The following PRELID3A variants were observed in gnomAD, a reference collection of about 807,000 sequenced individuals.
The protein encoded by PRELID3A is PRELI domain containing 3A, also known as PRELI domain containing protein 3A.
PRELID3A carries 27 observed loss-of-function variants against 23.0 expected under a neutral mutation model. The ratio of observed to expected loss-of-function variants is 1.17; its 90% confidence interval spans 0.87 to 1.62. The LOEUF (loss-of-function observed/expected upper bound fraction) is 1.62. PRELID3A is among the 40% of genes most tolerant of loss of function. The pLI is 0.00. For missense variants in PRELID3A, 231 were observed against 231.4 expected (o/e 1.00, Z 0.01); for synonymous variants, 87 against 86.4 (o/e 1.01, Z -0.04).
At chr18:12,411,803 C>CA (rs1222744131) in intron 1 of PRELID3A, among the ~76,000 whole-genome samples, 2 of 152,216 alleles carry the variant, frequency 1.3e-5, no homozygotes, top group African/African-American at 4.8e-5. Context: ...TCCCTGCAGG[C>CA]AGCCGTGAGG....
At chr18:12,425,078 G>A (rs2030310463) in intron 3 of PRELID3A, among the ~76,000 whole-genome samples, 1 of 152,016 alleles carries the variant, frequency 6.6e-6, no homozygotes, top group Non-Finnish European at 1.5e-5. Context: ...GGGAGGTGGA[G>A]GTTGCAGTGA....
At chr18:12,412,006 G>A (rs915692685) in intron 1 of PRELID3A, among the ~76,000 whole-genome samples, 1 of 151,456 alleles carries the variant, frequency 6.6e-6, no homozygotes, top group Non-Finnish European at 1.5e-5. Context: ...CGCCTCCCGG[G>A]TTCACGCCAT....
rs570426244 is a variant in PRELID3A at position 12,423,098 on chromosome 18, A to C, written c.291+1469A>C. On this transcript the variant is annotated intron_variant, in intron 3 of 6. Transcript: ENST00000440960. The stretch of plus-strand genomic sequence containing the variant: ...AAGTGGCCATGTGAAGGTAGGTGAC[A>C]GGGAGCCTGGCAGGACTTCTCCATA... Among the ~76,000 whole-genome samples, 20 of 152,336 alleles carry C rather than the reference A, an allele frequency of 1.3e-4. 1 individual carries two copies. The South Asian group carries it at 3.9e-3, about 30-fold the overall frequency.
At chr18:12,428,271 C>G (rs1462500685) in intron 5 of PRELID3A, among the ~76,000 whole-genome samples, 2 of 152,202 alleles carry the variant, frequency 1.3e-5, no homozygotes, top group African/African-American at 4.8e-5. Flanking sequence ...TCCCCTCCAG[C>G]AGAGTTGATG....
At position 12,421,619 on chromosome 18, in the gene PRELID3A, G is replaced by A. The variant is rs779059356; in HGVS notation, c.281G>A (p.Cys94Tyr). The A allele has an allele frequency of 1.2e-6, 2 of 1,611,124 alleles. No homozygotes were observed. The highest frequency in any genetic ancestry group is 4.5e-5 in the East Asian group (2 of 44,856). ...CCAGTGGAAAAGAAAATGGAACTTTGTTCTACCAATGTAAGCAATGGCCTC... is the reference window on the plus strand; with the variant it reads ...CCAGTGGAAAAGAAAATGGAACTTTATTCTACCAATGTAAGCAATGGCCTC... ...VDPVEKKMEL[C>Y]STNITLTNLV... The change falls in exon 3 of 7, where the codon TGT becomes TAT. Residue 94 changes from cysteine (C) to tyrosine (Y), a missense_variant. Transcript: ENST00000440960.
intron 5 of PRELID3A, among the ~76,000 whole-genome samples, chr18:12,427,775 TG>T (rs1424112952): frequency 6.6e-6 from 1 of 152,154 alleles, no homozygotes; most frequent in Non-Finnish European, 1.5e-5. Context: ...GAGCTCATAA[TG>T]CCACAGTATT....
intron 2 of PRELID3A, 113 bp downstream of exon 2, chr18:12,420,606 T>TGGCAG: frequency 1.4e-6 from 1 of 736,044 alleles, no homozygotes; most frequent in African/African-American, 2.0e-5. Flanking sequence ...TTGGCTGCCA[T>TGGCAG]CGGGGTGGGA....
At chr18:12,423,755 A>G (rs1326024116) in intron 3 of PRELID3A, among the ~76,000 whole-genome samples, 2 of 152,176 alleles carry the variant, frequency 1.3e-5, no homozygotes, top group Non-Finnish European at 2.9e-5. Flanking sequence ...GGCCATGCGC[A>G]AGTACCCGAA....
At chr18:12,413,398 A>G (rs1334448973) in intron 1 of PRELID3A, among the ~76,000 whole-genome samples, 1 of 152,088 alleles carries the variant, frequency 6.6e-6, no homozygotes, top group Non-Finnish European at 1.5e-5. Flanking sequence ...ACAGAGCCAT[A>G]CCATCTCTTA....
chr18:12,411,310 A>G (rs539612522), intron 1 of PRELID3A, among the ~76,000 whole-genome samples: 1 of 151,734 alleles, frequency 6.6e-6, no homozygotes, highest in East Asian at 1.9e-4. Context: ...ATAAAAAAAA[A>G]AAAAAATTAG....
Position 12,407,981 on chromosome 18 carries a change from G to C in PRELID3A, c.6G>C (p.Lys2Asn). 1 of 1,299,822 alleles carries C rather than the reference G, an allele frequency of 7.7e-7. No individual in the cohort carries two copies. Among genetic ancestry groups the C allele is most frequent in the Non-Finnish European group, 9.8e-7 (1 of 1,024,978 alleles). The allele number at this position is 1,299,822 out of a possible 1,614,324, so 80.5% of individuals were successfully genotyped here. A position where few individuals can be genotyped will look rare whatever the true frequency, so the allele number is the denominator to read the frequency against. Reference protein sequence around the residue: MKIWSSEHVFGH... With the variant: MNIWSSEHVFGH... Reference sequence around the variant, plus strand: ...CGCGCCCTGCGCCGGCGGCAATGAAGATCTGGAGCTCGGAGCACGTGTTTG... The same window carrying C: ...CGCGCCCTGCGCCGGCGGCAATGAACATCTGGAGCTCGGAGCACGTGTTTG... Residue 2 changes from lysine (K) to asparagine (N), a missense_variant, in exon 1 of 7, where the codon AAG becomes AAC. Transcript: ENST00000440960.
At chr18:12,426,493 T>A (rs190335505) in intron 3 of PRELID3A, among the ~76,000 whole-genome samples, 1 of 139,354 alleles carries the variant, frequency 7.2e-6, no homozygotes, top group Admixed American at 7.7e-5. Context: ...GGCAGAGCTT[T>A]CAGTGAGCCG....
intron 3 of PRELID3A, among the ~76,000 whole-genome samples, 182 bp downstream of exon 3, chr18:12,421,811 C>A (rs1045831561): frequency 2.6e-5 from 4 of 152,166 alleles, no homozygotes; most frequent in African/African-American, 9.7e-5. Flanking sequence ...TAGAAAAATG[C>A]ACATAATGAT....
intron 1 of PRELID3A, among the ~76,000 whole-genome samples, chr18:12,415,141 G>T (rs187746207): frequency 2.0e-4 from 31 of 152,072 alleles, no homozygotes; most frequent in African/African-American, 7.5e-4. Context: ...TATTGCGCAG[G>T]CTGGTCTTGA....
chr18:12,414,282 A>G (rs2029882341), intron 1 of PRELID3A, among the ~76,000 whole-genome samples: 1 of 152,244 alleles, frequency 6.6e-6, no homozygotes, highest in Non-Finnish European at 1.5e-5. Flanking sequence ...AGATGTCCCT[A>G]AGAGAAACTG....
intron 5 of PRELID3A, among the ~76,000 whole-genome samples, chr18:12,428,695 A>AG (rs1305737001): frequency 6.6e-6 from 1 of 152,216 alleles, no homozygotes; most frequent in Non-Finnish European, 1.5e-5. Context: ...CGAAGGCCAA[A>AG]GGGGGAGAGC....
intron 1 of PRELID3A, among the ~76,000 whole-genome samples, chr18:12,413,827 G>A (rs71351477): frequency 0.35 from 53,038 of 151,904 alleles, 11,275 homozygotes; most frequent in Middle Eastern, 0.57. Context: ...CAGGTGATCC[G>A]CCTGCCTTGG....
intron 1 of PRELID3A, among the ~76,000 whole-genome samples, chr18:12,415,014 A>C (rs1261456087): frequency 1.3e-5 from 2 of 151,950 alleles, no homozygotes; most frequent in East Asian, 1.9e-4. Flanking sequence ...CTGCAGCCTC[A>C]AACTGTTTGG....
At chr18:12,420,744 G>A (rs1250666953) in intron 2 of PRELID3A, among the ~76,000 whole-genome samples, 17 of 101,392 alleles carry the variant, frequency 1.7e-4, no homozygotes, top group African/African-American at 6.2e-4. Flanking sequence ...ATCGGGGGGC[G>A]TGGGGTGGGG....
Sources: gnomAD v4.1 joint callset for allele counts (sites outside exome capture counted in the v4.1 genomes callset) on GRCh38, gnomAD v4.1.1 for gene constraint, MANE v1.5 for transcripts, NCBI Gene and HGNC (gene_info 2026-07-23, HGNC 2026-07-21) for gene names.